TCF7L2: variants seen among roughly 807,000 people sequenced by gnomAD.
TCF7L2 encodes transcription factor 7 like 2.
Under a neutral mutation model 77.9 loss-of-function variants are expected in TCF7L2, and 23 were observed. That is an observed-to-expected ratio of 0.30 (90% CI 0.21 to 0.42). The LOEUF is 0.42. TCF7L2 is among the 10% of genes least tolerant of loss of function. The probability of loss-of-function intolerance (pLI) is 1.00; values close to 1 mark genes in which losing one functional copy is unlikely to be tolerated. For missense variants in TCF7L2, 654 were observed against 793.1 expected (o/e 0.82, Z 2.11); for synonymous variants, 413 against 340.2 (o/e 1.21, Z -2.36).
rs572597566 is a variant in TCF7L2 at position 113,090,758 on chromosome 10, G to A, written c.553-50426G>A. Among the ~76,000 whole-genome samples the A allele has an allele frequency of 1.0e-3, 152 of 148,250 alleles. 2 individuals are homozygous for A. The highest frequency in any genetic ancestry group is 1.7e-3 in the Non-Finnish European group (117 of 67,042). ...CCGAGTAGCTGGACTACAGGTGCGC[G>A]CCACCAAGCCCAGCTAATTTTTTGT... On this transcript the variant is annotated intron_variant, in intron 5 of 13. Coordinates refer to ENST00000627217, the MANE Select transcript of TCF7L2 (RefSeq NM_001146274.2).
At chr10:113,013,281 G>T (rs2046778006) in intron 4 of TCF7L2, among the ~76,000 whole-genome samples, 2 of 152,208 alleles carry the variant, frequency 1.3e-5, no homozygotes, top group East Asian at 3.9e-4. Flanking sequence ...CCCACACCTG[G>T]CTAAGTTTTG....
chr10:112,995,240 G>C (rs2133205384), intron 4 of TCF7L2, among the ~76,000 whole-genome samples: 2 of 152,336 alleles, frequency 1.3e-5, no homozygotes, highest in South Asian at 4.1e-4. Context: ...GATTGACTTG[G>C]GACTGGGCTA....
chr10:113,065,443 A>C (rs1179750900), intron 5 of TCF7L2, among the ~76,000 whole-genome samples: 1 of 152,196 alleles, frequency 6.6e-6, no homozygotes, highest in Non-Finnish European at 1.5e-5. Context: ...ATTTTTGTTC[A>C]GTATATTGGA....
chr10:112,968,551 T>C (rs2037514362), intron 4 of TCF7L2, among the ~76,000 whole-genome samples: 1 of 152,132 alleles, frequency 6.6e-6, no homozygotes, highest in Admixed American at 6.6e-5. Context: ...AGTTAAGTTT[T>C]TGGGGAGTCA....
chr10:112,966,209 T>TATATATATATATATATATATATATATA (rs1305413204), intron 4 of TCF7L2, among the ~76,000 whole-genome samples: 66 of 131,426 alleles, frequency 5.0e-4, no homozygotes, highest in Non-Finnish European at 8.8e-4. Flanking sequence ...TATATATATA[T>TATATATATATATATATATATATATATA]ATTTTCTTTT....
intron 13 of TCF7L2, chr10:113,161,095 G>A (rs973526911): frequency 1.2e-5 from 3 of 244,816 alleles, no homozygotes; most frequent in Non-Finnish European, 1.6e-5. Context: ...TTGCATTCCC[G>A]TGCACTTAGA....
chr10:113,167,320 A>G lies in TCF7L2; in HGVS notation c.*1348A>G, dbSNP rs563196035. ...CCAGCTGCCGCTTTTATGTACACATATTACATACGAGTAGGCAGCAGACTT... is the reference window on the plus strand; with the variant it reads ...CCAGCTGCCGCTTTTATGTACACATGTTACATACGAGTAGGCAGCAGACTT... On this transcript the variant is annotated 3_prime_UTR_variant, in exon 14 of 14. Transcript: ENST00000627217. The G allele has an allele frequency of 8.8e-5, 20 of 227,882 alleles. No individual in the cohort carries two copies. The South Asian group carries it at 3.6e-3, about 42-fold the overall frequency. The allele number at this position is 227,882 out of a possible 1,614,324, so 14.1% of individuals were successfully genotyped here.
chr10:113,141,010 A>G (rs1427794887), intron 5 of TCF7L2, among the ~76,000 whole-genome samples, 174 bp from the exon 6 acceptor site: 1 of 152,158 alleles, frequency 6.6e-6, no homozygotes, highest in African/African-American at 2.4e-5. Flanking sequence ...CTGTCTTACA[A>G]CTATCTATTA....
chr10:113,166,073 T>A lies in TCF7L2; in HGVS notation c.*101T>A. 1.7e-6 allele frequency: 2 copies of A among 1,154,852 alleles called. No individual in the cohort carries two copies. The highest frequency in any genetic ancestry group is 1.1e-6 in the Non-Finnish European group (1 of 870,464). The allele number at this position is 1,154,852 out of a possible 1,614,324, so 71.5% of individuals were successfully genotyped here. On this transcript the variant is annotated 3_prime_UTR_variant, in exon 14 of 14. Transcript: ENST00000627217. ...TGAAAGGTTTTGTTTTGTACTCTCT[T>A]AATTTTGTGCCATGTGGCTACATTA...
At chr10:112,992,767 T>C (rs1590123612) in intron 4 of TCF7L2, among the ~76,000 whole-genome samples, 2 of 151,090 alleles carry the variant, frequency 1.3e-5, no homozygotes, top group African/African-American at 4.9e-5. Context: ...TATTTTTCTT[T>C]CTTTTTTTTT....
chr10:112,971,749 A>C (rs1564729426), intron 4 of TCF7L2, among the ~76,000 whole-genome samples: 1 of 149,312 alleles, frequency 6.7e-6, no homozygotes. Flanking sequence ...AGTAGCTGGG[A>C]CTACAGGTGT....
At chr10:113,059,244 C>T (rs757849406) in intron 5 of TCF7L2, among the ~76,000 whole-genome samples, 8 of 151,828 alleles carry the variant, frequency 5.3e-5, no homozygotes, top group Non-Finnish European at 7.4e-5. Context: ...GTTAGGTCAC[C>T]GTAGGTACCG....
At chr10:113,097,575 C>T (rs2061140622) in intron 5 of TCF7L2, among the ~76,000 whole-genome samples, 1 of 138,372 alleles carries the variant, frequency 7.2e-6, no homozygotes. Flanking sequence ...ATCACCTGAA[C>T]CTGGGAGGTG....
chr10:113,022,421 C>T (rs988282507), intron 4 of TCF7L2, among the ~76,000 whole-genome samples: 7 of 152,150 alleles, frequency 4.6e-5, no homozygotes, highest in African/African-American at 1.7e-4. Context: ...GCTGAGCTTC[C>T]GTGTGCCTGG....
intron 4 of TCF7L2, among the ~76,000 whole-genome samples, chr10:113,023,729 C>T (rs1279667219): frequency 6.6e-6 from 1 of 151,840 alleles, no homozygotes; most frequent in African/African-American, 2.4e-5. Context: ...AGTGCAATGG[C>T]GTGATCTCGG....
At chr10:113,024,332 A>C (rs1223318289) in intron 4 of TCF7L2, among the ~76,000 whole-genome samples, 3 of 151,760 alleles carry the variant, frequency 2.0e-5, no homozygotes, top group Non-Finnish European at 4.4e-5. Flanking sequence ...AACAAACAAA[A>C]AGTCACTTGC....
At chr10:113,119,661 C>A (rs944912330) in intron 5 of TCF7L2, among the ~76,000 whole-genome samples, 1 of 129,040 alleles carries the variant, frequency 7.7e-6, no homozygotes, top group African/African-American at 2.8e-5. Flanking sequence ...CCATGGTGTC[C>A]CTTAAGGTGT....
intron 3 of TCF7L2, among the ~76,000 whole-genome samples, chr10:112,956,763 T>C (rs1411847914): frequency 2.0e-5 from 3 of 152,216 alleles, no homozygotes; most frequent in African/African-American, 7.2e-5. Flanking sequence ...CCACAGGCTT[T>C]ATTTACAGCC....
intron 5 of TCF7L2, among the ~76,000 whole-genome samples, chr10:113,119,046 G>C (rs925905879): frequency 5.9e-5 from 9 of 152,134 alleles, no homozygotes. Context: ...TTTGATGTCA[G>C]CAAGAAAATT....
Sources: allele counts gnomAD v4.1 joint callset (sites outside exome capture counted in the v4.1 genomes callset), GRCh38; gene constraint gnomAD v4.1.1; transcripts MANE v1.5; gene names NCBI Gene and HGNC (gene_info 2026-07-23, HGNC 2026-07-21).